CKAP5: variants seen among roughly 807,000 people sequenced by gnomAD.
CKAP5 encodes the protein cytoskeleton associated protein 5.
In CKAP5, 27 loss-of-function variants were observed where a neutral mutation model predicts 232.8. The observed-to-expected ratio is 0.12, with a 90% confidence interval of 0.09 to 0.16. The LOEUF (loss-of-function observed/expected upper bound fraction) is 0.16, where lower values mean the gene tolerates loss of function less well. Among genes scored for constraint, CKAP5 ranks in the 10% least tolerant of loss-of-function variants. The pLI, the probability that CKAP5 is intolerant of heterozygous loss-of-function variation, is 1.00. For missense variants in CKAP5, 1,838 were observed against 2,424.7 expected (o/e 0.76, Z 5.08); for synonymous variants, 785 against 841.1 (o/e 0.93, Z 1.16).
chr11:46,782,851 G>A (rs1006066576), intron 18 of CKAP5, among the ~76,000 whole-genome samples: 7 of 152,206 alleles, frequency 4.6e-5, no homozygotes, highest in African/African-American at 7.2e-5. Context: ...ATAAACAACC[G>A]TGCTCTATAA....
At chr11:46,817,367 A>C (rs1350144204) in intron 3 of CKAP5, among the ~76,000 whole-genome samples, 1 of 152,216 alleles carries the variant, frequency 6.6e-6, no homozygotes, top group Non-Finnish European at 1.5e-5. Context: ...TAATAATAAA[A>C]GACTACTCTT....
In CKAP5 at chr11:46,815,963, A is replaced by T. The variant is rs148001582; in HGVS notation, c.458+235T>A. 7.2e-5 allele frequency among the ~76,000 whole-genome samples: 11 copies of T among 152,314 alleles called. No individual in the cohort carries two copies. The East Asian group carries it at 2.1e-3, about 29-fold the overall frequency. On this transcript the variant is annotated intron_variant, in intron 4 of 43. Coordinates refer to ENST00000529230, the MANE Select transcript of CKAP5 (RefSeq NM_001008938.4). ...CCCCCTGAGCTCTGCCTCCTGCCAG[A>T]TCAGCAGGGCATTAAGGTTCTCATA...
rs1459524645 is a variant in CKAP5, at chr11:46,778,554, G to C, written c.2479C>G (p.His827Asp). Residue 827 changes from histidine to aspartate, a missense_variant, in exon 21 of 44, where the codon CAT (histidine) becomes GAT (aspartate). By Grantham distance (81) the His-to-Asp change is moderately conservative (BLOSUM62 -1). Coordinates refer to ENST00000529230, the MANE Select transcript of CKAP5 (RefSeq NM_001008938.4). ...PPAPTRGISK[H>D]STSGTDEGED... is the part of the protein sequence containing the mutation. ...CCTTCATCTGTACCACTTGTGCTAT[G>C]CTTGGAAATTCCTCTGGTTGGAGCA... 1 of 1,613,948 alleles carries C rather than the reference G, an allele frequency of 6.2e-7. No homozygotes were observed. The highest frequency in any genetic ancestry group is 1.1e-5 in the South Asian group (1 of 91,082).
chr11:46,771,027 TGTTA>T, intron 24 of CKAP5, 45 bp from the exon 25 acceptor site: 1 of 1,518,310 alleles, frequency 6.6e-7, no homozygotes, highest in Non-Finnish European at 9.0e-7. Context: ...AAATGAAGAC[TGTTA>T]TCATTTATGA....
chr11:46,767,693 A>G (rs2065213966), intron 26 of CKAP5, 30 bp from the exon 27 acceptor site: 1 of 1,338,928 alleles, frequency 7.5e-7, no homozygotes, highest in Non-Finnish European at 1.0e-6. Context: ...TATATACTAT[A>G]AACTTTAACT....
intron 36 of CKAP5, among the ~76,000 whole-genome samples, chr11:46,754,300 G>A (rs534200316): frequency 6.6e-6 from 1 of 152,162 alleles, no homozygotes; most frequent in Non-Finnish European, 1.5e-5. Flanking sequence ...CCTGGCCAAA[G>A]TATTTGTTTT....
chr11:46,763,670 C>A, intron 28 of CKAP5, 40 bp from the exon 29 acceptor site: 1 of 1,429,568 alleles, frequency 7.0e-7, no homozygotes, highest in Non-Finnish European at 9.3e-7. Context: ...ACAGGGTGTT[C>A]AACTGAAATG....
intron 17 of CKAP5, 37 bp downstream of exon 17, chr11:46,784,451 G>A (rs1443464186): frequency 1.3e-6 from 2 of 1,518,468 alleles, no homozygotes; most frequent in Non-Finnish European, 1.8e-6. Context: ...GGAAAAAATT[G>A]GGAAAACTAG....
rs148619798 is a variant in CKAP5, at chr11:46,831,324, C to A, written c.-37-10056G>T. Among the ~76,000 whole-genome samples the A allele has an allele frequency of 5.5e-3, 830 of 151,992 alleles. 6 individuals carry two copies. Among genetic ancestry groups the A allele is most frequent in the African/African-American group, 0.019 (801 of 41,444 alleles). ...TAAAAGCTTTAAAACTTTAAAATTC[C>A]CACTTAGAGGCTTGAAGTTGGATCA... On this transcript the variant is annotated intron_variant, in intron 1 of 43. Transcript: ENST00000529230.
chr11:46,818,235 C>A, intron 3 of CKAP5, 75 bp downstream of exon 3: 1 of 1,153,328 alleles, frequency 8.7e-7, no homozygotes, highest in African/African-American at 1.6e-5. Context: ...TAACTAAGGA[C>A]AGTGATCTAC....
chr11:46,769,274 G>A (rs1290345772), intron 26 of CKAP5, among the ~76,000 whole-genome samples: 1 of 152,172 alleles, frequency 6.6e-6, no homozygotes, highest in Non-Finnish European at 1.5e-5. Flanking sequence ...CTTAAAGAAG[G>A]TTAATAAAGT....
intron 24 of CKAP5, among the ~76,000 whole-genome samples, chr11:46,773,253 T>TA (rs1400996135): frequency 2.1e-5 from 3 of 144,710 alleles, no homozygotes; most frequent in Non-Finnish European, 4.6e-5. Flanking sequence ...GAATGTTCTA[T>TA]TTTTTTTTTT....
intron 36 of CKAP5, among the ~76,000 whole-genome samples, chr11:46,754,600 CAT>C (rs74907589): frequency 0.06 from 9,207 of 152,188 alleles, 362 homozygotes; most frequent in Non-Finnish European, 0.09. Flanking sequence ...TTAATAGAAC[CAT>C]ACTTATCTGT....
At chr11:46,805,760 A>T (rs1592470547) in intron 8 of CKAP5, among the ~76,000 whole-genome samples, 1 of 152,030 alleles carries the variant, frequency 6.6e-6, no homozygotes, top group African/African-American at 2.4e-5. Context: ...ACATGGTGAA[A>T]CCCCGTCTCT....
chr11:46,777,667 G>A, intron 22 of CKAP5, 115 bp from the exon 23 acceptor site: 1 of 644,540 alleles, frequency 1.6e-6, no homozygotes, highest in Non-Finnish European at 2.7e-6. Context: ...CTACTCAAGA[G>A]ACAGAGACAC....
At chr11:46,806,633 CAT>C (rs1939161612) in intron 8 of CKAP5, among the ~76,000 whole-genome samples, 1 of 152,208 alleles carries the variant, frequency 6.6e-6, no homozygotes, top group African/African-American at 2.4e-5. Flanking sequence ...TTTCACAAAT[CAT>C]ATCTCTGCCT....
At chr11:46,843,877 T>C (rs1034976563) in intron 1 of CKAP5, among the ~76,000 whole-genome samples, 1 of 152,106 alleles carries the variant, frequency 6.6e-6, no homozygotes, top group Non-Finnish European at 1.5e-5. Flanking sequence ...CTACCTAGTA[T>C]TGCAAAAACA....
rs146738909 is a variant in CKAP5 at position 46,779,996 on chromosome 11, C to T, written c.2433+198G>A. Reference sequence around the variant, plus strand: ...GGTGGTCTCAGCTCCTGGGAGGTCACAATACTAATGCTGAACTTAGTGTGG... The same window carrying T: ...GGTGGTCTCAGCTCCTGGGAGGTCATAATACTAATGCTGAACTTAGTGTGG... On this transcript the variant is annotated intron_variant, in intron 20 of 43. Coordinates refer to ENST00000529230, the MANE Select transcript of CKAP5 (RefSeq NM_001008938.4). Among the ~76,000 whole-genome samples, 62 of 152,222 alleles carry T rather than the reference C, an allele frequency of 4.1e-4. 1 individual carries two copies. Among genetic ancestry groups the T allele is most frequent in the South Asian group, 1.9e-3 (9 of 4,818 alleles).
chr11:46,777,611 C>A, intron 22 of CKAP5, 59 bp from the exon 23 acceptor site: 1 of 1,213,530 alleles, frequency 8.2e-7, no homozygotes, highest in Non-Finnish European at 1.2e-6. Context: ...GTGCAAACTT[C>A]CGTAAATTTG....
Sources: gnomAD v4.1 joint callset for allele counts (sites outside exome capture counted in the v4.1 genomes callset) on GRCh38, gnomAD v4.1.1 for gene constraint, MANE v1.5 for transcripts, NCBI Gene and HGNC (gene_info 2026-07-23, HGNC 2026-07-21) for gene names.